MAGIX: variants seen among roughly 807,000 people sequenced by gnomAD.
The protein encoded by MAGIX is MAGI family member, X-linked.
Under a neutral mutation model 10.0 loss-of-function variants are expected in MAGIX, and 13 were observed. That is an observed-to-expected ratio of 1.30 (90% CI 0.84 to 2.06). The LOEUF is 2.06. Ranked by LOEUF, MAGIX falls within the 30% of genes most tolerant of loss-of-function variation. MAGIX has a pLI of 0.00. For synonymous variants in MAGIX, 108 were observed against 106.8 expected, an observed-to-expected ratio of 1.01 and a Z score of -0.07; for missense variants, 235 against 245.2, an observed-to-expected ratio of 0.96 and a Z score of 0.28.
At position 49,162,994 on chromosome X, in the gene MAGIX, C is replaced by G. The variant is rs1189022419; in HGVS notation, c.-202+249C>G. ...AGGGCGAGTCGCCGCCATCCCCGTC[C>G]CGCCTGTCTGCTCCACACCTTTTCC... On this transcript the variant is annotated intron_variant, in intron 1 of 4. Transcript: ENST00000616266. The G allele has an allele frequency of 6.4e-5, 26 of 403,439 alleles. 1 individual carries two copies. The highest frequency in any genetic ancestry group is 1.0e-4 in the Non-Finnish European group (26 of 252,342). 33.2% of individuals were successfully genotyped at this position (403,439 alleles called of 1,213,427 possible). A position where few individuals can be genotyped will look rare whatever the true frequency, so the allele number is the denominator to read the frequency against.
exon 2 of MAGIX, chrX:49,163,846 G>T: frequency 1.9e-6 from 2 of 1,037,477 alleles, no homozygotes; most frequent in Non-Finnish European, 1.2e-6. Flanking sequence ...TTGGACGCGC[G>T]CCCCCTGGCG....
chrX:49,163,473 GAA>G (rs1355256356), intron 1 of MAGIX: 2 of 186,361 alleles, frequency 1.1e-5, no homozygotes, highest in East Asian at 2.0e-4. Context: ...TATCGCGGGC[GAA>G]GAGTTGGGCA....
intron 4 of MAGIX, chrX:49,165,585 T>G (rs2065360973): frequency 8.0e-6 from 3 of 375,488 alleles, no homozygotes; most frequent in Non-Finnish European, 1.4e-5. Flanking sequence ...GATAGGAATT[T>G]CAGAGGGTGG....
chrX:49,166,518 C>A, exon 5 of MAGIX: 1 of 586,133 alleles, frequency 1.7e-6, no homozygotes, highest in Non-Finnish European at 2.6e-6. Flanking sequence ...CCCCCACCCG[C>A]TGCTCAGTGG....
At chrX:49,162,927 G>A in intron 1 of MAGIX, 1 of 748,728 alleles carries the variant, frequency 1.3e-6, no homozygotes, top group Non-Finnish European at 1.8e-6. Flanking sequence ...GACCCTAGGG[G>A]GAGCAGAGGA....
intron 4 of MAGIX, chrX:49,165,589 A>G (rs1029000685): frequency 8.8e-5 from 33 of 373,706 alleles, no homozygotes; most frequent in African/African-American, 8.2e-4. Flanking sequence ...GGAATTTCAG[A>G]GGGTGGGTTT....
chrX:49,162,692 G>A, exon 1 of MAGIX: 1 of 306,090 alleles, frequency 3.3e-6, no homozygotes, highest in Non-Finnish European at 5.8e-6. Flanking sequence ...GCAGCAGAGT[G>A]AGGCCAAGCA....
In MAGIX at chrX:49,163,865, T is replaced by G. The variant is rs2065346656; in HGVS notation, c.-119T>G. 8 of 1,039,178 alleles carry G rather than the reference T, an allele frequency of 7.7e-6. No homozygotes were observed. In the South Asian group the frequency reaches 2.3e-4, roughly 30 times the overall value. 85.6% of individuals were successfully genotyped at this position (1,039,178 alleles called of 1,213,427 possible). On this transcript the variant is annotated 5_prime_UTR_variant, in exon 2 of 5. Transcript: ENST00000616266. ...ACGCGCGCCCCCTGGCGGCGCGAGCTGCGGTCGACGTGGCAGCGCTGGTAC... is the reference window on the plus strand; with the variant it reads ...ACGCGCGCCCCCTGGCGGCGCGAGCGGCGGTCGACGTGGCAGCGCTGGTAC...
At chrX:49,165,962 A>T (rs953414553) in intron 4 of MAGIX, 112 bp from the exon 6 acceptor site, 20 of 748,122 alleles carry the variant, frequency 2.7e-5, no homozygotes, top group Non-Finnish European at 3.5e-5. Flanking sequence ...TGGAGGGGAG[A>T]TTTCTCTAAG....
chrX:49,164,032 G>A (rs2065348754), intron 2 of MAGIX, 103 bp downstream of exon 2: 1 of 823,783 alleles, frequency 1.2e-6, no homozygotes, highest in Non-Finnish European at 1.6e-6. Flanking sequence ...TGTCTTGGGT[G>A]GGGCCAAGGG....
Position 49,166,449 on chromosome X carries a change from C to T in MAGIX, c.*50C>T, listed in dbSNP as rs1269130539. 7 of 1,029,747 alleles carry T rather than the reference C, an allele frequency of 6.8e-6. No individual in the cohort carries two copies. In the East Asian group the frequency reaches 2.4e-4, roughly 35 times the overall value. 84.9% of individuals were successfully genotyped at this position (1,029,747 alleles called of 1,213,427 possible). A position where few individuals can be genotyped will look rare whatever the true frequency, so the allele number is the denominator to read the frequency against. The stretch of plus-strand genomic sequence containing the variant: ...CACTAGTTACCGCCCAACCTGGATC[C>T]GGCGCGTGTGGCCGCTGGGCACTTG... On this transcript the variant is annotated 3_prime_UTR_variant, in exon 5 of 5. Coordinates refer to ENST00000616266, the Ensembl canonical transcript of MAGIX.
chrX:49,166,676 C>T (rs2065370547), exon 5 of MAGIX: 5 of 322,536 alleles, frequency 1.6e-5, no homozygotes, highest in Non-Finnish European at 2.7e-5. Flanking sequence ...GCTGCCCGGG[C>T]CACTCTGTAA....
At chrX:49,163,784 C>A (rs2065345668) in exon 2 of MAGIX, 2 of 1,046,895 alleles carry the variant, frequency 1.9e-6, no homozygotes, top group Non-Finnish European at 2.4e-6. Context: ...TGCGCGCAGG[C>A]CGCGGCCCCT....
chrX:49,164,750 T>G (rs2147862097), exon 3 of MAGIX: 5 of 1,211,936 alleles, frequency 4.1e-6, no homozygotes, highest in Non-Finnish European at 5.6e-6. Context: ...TCACAGACAG[T>G]CGCCTGCCTC....
At chrX:49,163,745 C>A (rs2065345170) in intron 1 of MAGIX, 38 bp from the exon 2 acceptor site, 1 of 1,004,675 alleles carries the variant, frequency 1.0e-6, no homozygotes, top group South Asian at 3.1e-5. Flanking sequence ...TTGGCCGAGG[C>A]CGAGGGTCGG....
chrX:49,163,804 C>T, exon 2 of MAGIX: 1 of 1,050,628 alleles, frequency 9.5e-7, no homozygotes, highest in East Asian at 4.1e-5. Context: ...TCCCCGCTCG[C>T]GGGCCCTAGC....
chrX:49,164,859 C>A lies in MAGIX; in HGVS notation c.99C>A (p.Phe33Leu), dbSNP rs781982281. ...ACTATGTACACCTGTGTCCTTTATT[C>A]CAGCACCGTTGGTTAGAGACATGTA... Residue 33 changes from phenylalanine (F) to leucine (L), a missense_variant, in exon 3 of 5, where the codon TTC becomes TTA. Coordinates refer to ENST00000616266, the Ensembl canonical transcript of MAGIX. 33 of 1,210,391 alleles carry A rather than the reference C, an allele frequency of 2.7e-5. No homozygotes were observed. Among genetic ancestry groups the A allele is most frequent in the South Asian group, 3.5e-5 (2 of 56,908 alleles).
Position 49,163,900 on chromosome X carries a change from G to A in MAGIX, c.-84G>A, listed in dbSNP as rs1205431191. The A allele has an allele frequency of 1.6e-5, 16 of 1,020,681 alleles. No homozygotes were observed. The highest frequency in any genetic ancestry group is 2.0e-5 in the Non-Finnish European group (16 of 802,046). 84.1% of individuals were successfully genotyped at this position (1,020,681 alleles called of 1,213,427 possible). On this transcript the variant is annotated 5_prime_UTR_variant, in exon 2 of 5. Coordinates refer to ENST00000616266, the Ensembl canonical transcript of MAGIX. ...GTGGCAGCGCTGGTACGCAGGGCGG[G>A]CGCCACATTGCGCCTGCGCCGGAAG...
rs782098005 is a variant in MAGIX at position 49,165,107 on chromosome X, C to T, written c.330+17C>T. On this transcript the variant is annotated intron_variant, in intron 3 of 4. Transcript: ENST00000616266. ...CGTTTGGAGGTGAGCCCTGAAGCCCCTTCCACTGGTAGGTGCTATCCCTGC... is the reference window on the plus strand; with the variant it reads ...CGTTTGGAGGTGAGCCCTGAAGCCCTTTCCACTGGTAGGTGCTATCCCTGC... 3 of 1,201,375 alleles carry T rather than the reference C, an allele frequency of 2.5e-6. No individual in the cohort carries two copies. Among genetic ancestry groups the T allele is most frequent in the East Asian group, 3.0e-5 (1 of 33,591 alleles).
Sources: gnomAD v4.1 joint callset for allele counts on GRCh38, gnomAD v4.1.1 for gene constraint, MANE v1.5 for transcripts, NCBI Gene and HGNC (gene_info 2026-07-23, HGNC 2026-07-21) for gene names.